SNX18: variants seen among roughly 807,000 people sequenced by gnomAD.
The protein encoded by SNX18 is sorting nexin-18.
In SNX18, 35 loss-of-function variants were observed where a neutral mutation model predicts 48.7. The observed-to-expected ratio is 0.72, with a 90% CI of 0.55 to 0.95. The LOEUF (loss-of-function observed/expected upper bound fraction) is 0.95, where lower values mean the gene tolerates loss of function less well. Ranked by LOEUF, SNX18 falls within the 40% of genes least tolerant of loss-of-function variation. SNX18 has a pLI of 0.00. For synonymous variants in SNX18, 492 were observed against 384.7 expected (o/e 1.28, Z -3.26); for missense variants, 824 against 871.0 (o/e 0.95, Z 0.68).
the SNX18 span, among the ~76,000 whole-genome samples, chr5:54,565,672 A>G: frequency 6.6e-6 from 1 of 152,190 alleles, no homozygotes; most frequent in Non-Finnish European, 1.5e-5. Flanking sequence ...TGTGTAAATA[A>G]AACTTTATGT....
At chr5:54,625,045 A>T in the SNX18 span, among the ~76,000 whole-genome samples, 1 of 152,184 alleles carries the variant, frequency 6.6e-6, no homozygotes, top group African/African-American at 2.4e-5. Context: ...TTTGAAACTT[A>T]TATATTCAGT....
chr5:54,569,570 T>A, the SNX18 span, among the ~76,000 whole-genome samples: 20 of 152,212 alleles, frequency 1.3e-4, no homozygotes, highest in Admixed American at 1.3e-3. Flanking sequence ...TGGAAATTTC[T>A]GAAGACTTAT....
At chr5:54,524,879 C>A (rs1762099792) in intron 1 of SNX18, among the ~76,000 whole-genome samples, 2 of 152,232 alleles carry the variant, frequency 1.3e-5, no homozygotes, top group Non-Finnish European at 2.9e-5. Context: ...TCGGCAGTTC[C>A]TTGTGCCAGG....
chr5:54,565,018 C>T, the SNX18 span, among the ~76,000 whole-genome samples: 1 of 152,168 alleles, frequency 6.6e-6, no homozygotes, highest in East Asian at 1.9e-4. Context: ...ATCTTCACAG[C>T]CAGTGATGGC....
chr5:54,530,275 G>T (rs1027576515), intron 1 of SNX18, among the ~76,000 whole-genome samples: 4 of 152,132 alleles, frequency 2.6e-5, no homozygotes, highest in Non-Finnish European at 5.9e-5. Flanking sequence ...CACAGTCAAA[G>T]GTTCCATGTA....
chr5:54,554,040 G>A, the SNX18 span, among the ~76,000 whole-genome samples: 1 of 152,208 alleles, frequency 6.6e-6, no homozygotes, highest in Non-Finnish European at 1.5e-5. Flanking sequence ...CCTCCGTGGA[G>A]CTCCCATGCT....
At chr5:54,583,590 T>C in the SNX18 span, among the ~76,000 whole-genome samples, 17 of 152,372 alleles carry the variant, frequency 1.1e-4, no homozygotes, top group East Asian at 3.3e-3. Flanking sequence ...ATTAGTCGTG[T>C]GGCATTGGAC....
At chr5:54,519,853 G>C (rs906766539) in intron 1 of SNX18, 3 of 1,572,256 alleles carry the variant, frequency 1.9e-6, no homozygotes, top group African/African-American at 1.4e-5. Context: ...TTGAATAGTT[G>C]AGTAATGAGC....
chr5:54,542,097 C>T (rs944574983), intron 1 of SNX18, among the ~76,000 whole-genome samples: 2 of 152,164 alleles, frequency 1.3e-5, no homozygotes, highest in Admixed American at 1.3e-4. Context: ...GAGTGCTAGG[C>T]ACAGTCGGGA....
Position 54,518,314 on chromosome 5 carries a change from C to T in SNX18, c.362C>T (p.Pro121Leu), listed in dbSNP as rs1355377115. ...QQAPPPSTFQ[P>L]PGAGFPYGGG... ...GCGCCGCCTCCGAGCACCTTCCAGC[C>T]GCCCGGCGCGGGCTTCCCGTACGGC... The change falls in exon 1 of 2, where the codon CCG becomes CTG. Residue 121 changes from proline to leucine, a missense_variant. Transcript: ENST00000381410. 9 of 1,534,978 alleles carry T rather than the reference C, an allele frequency of 5.9e-6. No individual in the cohort carries two copies. The South Asian group carries it at 1.1e-4, about 19-fold the overall frequency.
the SNX18 span, among the ~76,000 whole-genome samples, chr5:54,629,788 G>C: frequency 3.3e-5 from 5 of 152,122 alleles, no homozygotes; most frequent in Admixed American, 3.3e-4. Flanking sequence ...TGGATATCTC[G>C]TCTTTCTTAT....
chr5:54,641,390 T>C, the SNX18 span, among the ~76,000 whole-genome samples: 1 of 152,294 alleles, frequency 6.6e-6, no homozygotes, highest in East Asian at 1.9e-4. Flanking sequence ...AAAGAGGTCT[T>C]TTTTTTAAAC....
At chr5:54,557,941 C>T in the SNX18 span, among the ~76,000 whole-genome samples, 3 of 152,162 alleles carry the variant, frequency 2.0e-5, no homozygotes, top group East Asian at 1.9e-4. Context: ...CCATGTTGCC[C>T]GGGCTGGTCT....
At chr5:54,627,208 G>T in the SNX18 span, among the ~76,000 whole-genome samples, 1 of 152,122 alleles carries the variant, frequency 6.6e-6, no homozygotes, top group South Asian at 2.1e-4. Context: ...AGGGACTTTT[G>T]TTGTAGCTGA....
the SNX18 span, among the ~76,000 whole-genome samples, chr5:54,637,986 G>GGAGA: frequency 0.01 from 1,504 of 149,396 alleles, 9 homozygotes; most frequent in Admixed American, 0.015. Flanking sequence ...CTGCTGGACT[G>GGAGA]GAGAGAGAGA....
intron 1 of SNX18, among the ~76,000 whole-genome samples, chr5:54,539,198 T>C (rs552089902): frequency 4.8e-4 from 73 of 152,208 alleles, no homozygotes; most frequent in Non-Finnish European, 9.4e-4. Context: ...TAACAGTTTC[T>C]CTTCTAAATA....
the SNX18 span, among the ~76,000 whole-genome samples, chr5:54,619,088 C>T: frequency 6.6e-6 from 1 of 152,134 alleles, no homozygotes; most frequent in African/African-American, 2.4e-5. Context: ...CTGACACTGA[C>T]ACTGTGGTGT....
At chr5:54,526,137 C>G (rs1351646625) in intron 1 of SNX18, among the ~76,000 whole-genome samples, 1 of 152,182 alleles carries the variant, frequency 6.6e-6, no homozygotes, top group East Asian at 1.9e-4. Flanking sequence ...TGGAGTCTTG[C>G]TCTGTCACCT....
At chr5:54,636,312 T>C in the SNX18 span, among the ~76,000 whole-genome samples, 1 of 152,172 alleles carries the variant, frequency 6.6e-6, no homozygotes, top group Non-Finnish European at 1.5e-5. Context: ...CCAACAATAC[T>C]TTACCTGCTT....
Sources: allele counts gnomAD v4.1 joint callset (sites outside exome capture counted in the v4.1 genomes callset), GRCh38; gene constraint gnomAD v4.1.1; transcripts MANE v1.5; gene names NCBI Gene and HGNC (gene_info 2026-07-23, HGNC 2026-07-21).